Variants in MYO1D observed in about 807,000 individuals in gnomAD.
The protein encoded by MYO1D is myosin ID.
A neutral mutation model predicts 122.0 loss-of-function variants in MYO1D; 83 were observed. That is an observed-to-expected ratio of 0.68 (90% CI 0.57 to 0.82). The LOEUF (loss-of-function observed/expected upper bound fraction) is 0.82. MYO1D is among the 40% of genes least tolerant of loss of function. The pLI is 0.00. For missense variants in MYO1D, 1,157 were observed against 1,269.5 expected (o/e 0.91, Z 1.35); for synonymous variants, 464 against 446.9 (o/e 1.04, Z -0.48).
chr17:32,563,758 G>T (rs1341996753), intron 21 of MYO1D, among the ~76,000 whole-genome samples: 1 of 152,216 alleles, frequency 6.6e-6, no homozygotes, highest in Non-Finnish European at 1.5e-5. Context: ...GAACAGTCGC[G>T]TGGCTTCCTC....
chr17:32,575,343 G>T (rs576439132), intron 21 of MYO1D, among the ~76,000 whole-genome samples: 4 of 152,194 alleles, frequency 2.6e-5, no homozygotes, highest in Non-Finnish European at 5.9e-5. Context: ...GCAGCCTCAG[G>T]CTACAAAGCC....
chr17:32,876,285 G>C (rs1391631556), intron 1 of MYO1D, among the ~76,000 whole-genome samples: 1 of 152,014 alleles, frequency 6.6e-6, no homozygotes, highest in Non-Finnish European at 1.5e-5. Context: ...AAAAAAAAAA[G>C]AAGGGCGAAG....
In MYO1D at chr17:32,712,195, C is replaced by A; in HGVS notation, c.1914G>T (p.Arg638Ser). 6.2e-7 allele frequency: 1 copy of A among 1,611,056 alleles called. No individual in the cohort carries two copies. Among genetic ancestry groups the A allele is most frequent in the Non-Finnish European group, 8.5e-7 (1 of 1,177,882 alleles). Residue 638 changes from arginine (R) to serine (S), a missense_variant and splice_region_variant, in exon 16 of 22, where the codon AGG (arginine) becomes AGT (serine). Arg to Ser is a moderately radical substitution (Grantham distance 110). Coordinates refer to ENST00000318217, the MANE Select transcript of MYO1D (RefSeq NM_015194.3). ...FRQTYEKFLH[R>S]YKMISEFTWP... ...AGGTGAATTCAGAGATCATCTTATA[C>A]CTGGATGAAAAAAAGAAACAGGGTT...
At chr17:32,588,734 G>A (rs1222007170) in intron 21 of MYO1D, among the ~76,000 whole-genome samples, 1 of 152,104 alleles carries the variant, frequency 6.6e-6, no homozygotes, top group Non-Finnish European at 1.5e-5. Context: ...TGGATCTCTT[G>A]AGGCCAGGAG....
At chr17:32,848,243 C>T (rs1337188615) in intron 1 of MYO1D, among the ~76,000 whole-genome samples, 1 of 152,064 alleles carries the variant, frequency 6.6e-6, no homozygotes, top group Non-Finnish European at 1.5e-5. Context: ...TATTATCTAC[C>T]CCATGTAAAA....
Position 32,659,191 on chromosome 17 carries a change from C to T in MYO1D, c.2269G>A (p.Gly757Arg), listed in dbSNP as rs2073464387. The change falls in exon 17 of 22, where the codon GGG (glycine) becomes AGG (arginine). Residue 757 changes from glycine to arginine, a missense_variant. Physicochemically the swap from Gly to Arg is moderately radical, Grantham distance 125. Transcript: ENST00000318217. ...GGGCTTGGCCACTTCACGTGCTTCC[C>T]GTAGTCTCGCATGGTCTTGACGCCA... Reference protein sequence around the residue: ...FHGVKTMRDYGKHVKWPSPPK... With the variant: ...FHGVKTMRDYRKHVKWPSPPK... The T allele has an allele frequency of 9.9e-6, 16 of 1,614,182 alleles. No individual in the cohort carries two copies. Among genetic ancestry groups the T allele is most frequent in the South Asian group, 4.4e-5 (4 of 91,090 alleles).
intron 1 of MYO1D, among the ~76,000 whole-genome samples, chr17:32,864,514 G>A (rs1170266192): frequency 2.8e-5 from 4 of 141,620 alleles, no homozygotes; most frequent in Admixed American, 7.5e-5. Context: ...TTTGTTGTAC[G>A]GTGTCTAGCT....
intron 1 of MYO1D, among the ~76,000 whole-genome samples, chr17:32,796,094 A>G (rs1391828288): frequency 6.6e-6 from 1 of 152,144 alleles, no homozygotes; most frequent in East Asian, 1.9e-4. Flanking sequence ...TATGACACTG[A>G]TTTTCTCTTT....
At chr17:32,677,219 C>T (rs902881803) in intron 16 of MYO1D, among the ~76,000 whole-genome samples, 1 of 152,094 alleles carries the variant, frequency 6.6e-6, no homozygotes, top group Admixed American at 6.6e-5. Flanking sequence ...CAATTACATG[C>T]CCATACAATT....
intron 16 of MYO1D, among the ~76,000 whole-genome samples, chr17:32,676,675 A>C (rs1354351938): frequency 6.6e-6 from 1 of 152,194 alleles, no homozygotes; most frequent in Non-Finnish European, 1.5e-5. Context: ...ACTTAGAAGG[A>C]AGACGACCCA....
intron 4 of MYO1D, among the ~76,000 whole-genome samples, chr17:32,774,523 G>A (rs936569930): frequency 2.0e-5 from 3 of 152,162 alleles, no homozygotes; most frequent in African/African-American, 7.2e-5. Flanking sequence ...GCATTTCAAA[G>A]AGCAATGCCT....
At chr17:32,725,080 G>A (rs750468097) in intron 14 of MYO1D, among the ~76,000 whole-genome samples, 3 of 152,174 alleles carry the variant, frequency 2.0e-5, no homozygotes, top group Non-Finnish European at 4.4e-5. Context: ...TGCTTACCAT[G>A]TTCAAGGTGA....
At chr17:32,511,605 C>CTT (rs5819985) in intron 21 of MYO1D, among the ~76,000 whole-genome samples, 5,337 of 143,574 alleles carry the variant, frequency 0.037, 313 homozygotes, top group African/African-American at 0.13. Context: ...CTGTATTGAA[C>CTT]TTTTTTTTTT....
chr17:32,527,838 CTTT>C lies in MYO1D; in HGVS notation c.2865-32926_2865-32924del, dbSNP rs35009377. ...TAAAAGCTACATAAAAGCAAAACAA[CTTT>C]TTTTTTTTTTTTTTTGAGGCAGAGT... On this transcript the variant is annotated intron_variant, in intron 21 of 21. Transcript: ENST00000318217. 7.1e-3 allele frequency among the ~76,000 whole-genome samples: 956 copies of C among 134,806 alleles called. 5 individuals carry two copies. Among genetic ancestry groups the C allele is most frequent in the Middle Eastern group, 0.012 (3 of 258 alleles). The allele number at this position is 134,806 out of a possible 152,430, so 88.4% of individuals were successfully genotyped here.
At chr17:32,768,651 C>T (rs1178708872) in intron 6 of MYO1D, among the ~76,000 whole-genome samples, 1 of 152,158 alleles carries the variant, frequency 6.6e-6, no homozygotes, top group Non-Finnish European at 1.5e-5. Context: ...GCCCCTCCTC[C>T]TCCTAGGTTT....
intron 21 of MYO1D, among the ~76,000 whole-genome samples, chr17:32,543,235 T>A (rs1345087944): frequency 5.1e-5 from 6 of 118,146 alleles, no homozygotes; most frequent in South Asian, 2.6e-4. Context: ...CAAAAAAAAA[T>A]GAATAAATAA....
intron 14 of MYO1D, among the ~76,000 whole-genome samples, chr17:32,731,616 G>C (rs909585466): frequency 6.6e-6 from 1 of 152,230 alleles, no homozygotes; most frequent in Non-Finnish European, 1.5e-5. Flanking sequence ...CCCATCTGGA[G>C]CAGCTGCTGC....
Position 32,638,728 on chromosome 17 carries a change from T to G in MYO1D, c.2703A>C (p.Leu901=). Residue 901 remains leucine (L), a synonymous_variant, in exon 20 of 22, where the codon CTA becomes CTC. Coordinates refer to ENST00000318217, the MANE Select transcript of MYO1D (RefSeq NM_015194.3). ...KQYKVMKTIP[L]YNLTGLSVSN... ...AGAAGCACAGAGGACTTACATTGTA[T>G]AGAGGGATAGTCTTCATCACCTTGT... 2 of 1,608,722 alleles carry G rather than the reference T, an allele frequency of 1.2e-6. No homozygotes were observed. The highest frequency in any genetic ancestry group is 1.7e-6 in the Non-Finnish European group (2 of 1,175,222).
At chr17:32,608,501 T>G (rs1317446949) in intron 20 of MYO1D, among the ~76,000 whole-genome samples, 1 of 152,188 alleles carries the variant, frequency 6.6e-6, no homozygotes, top group Non-Finnish European at 1.5e-5. Context: ...TACTAAATGC[T>G]GGTGAGGACA....
Sources: gnomAD v4.1 joint callset for allele counts (sites outside exome capture counted in the v4.1 genomes callset) on GRCh38, gnomAD v4.1.1 for gene constraint, MANE v1.5 for transcripts, NCBI Gene and HGNC (gene_info 2026-07-23, HGNC 2026-07-21) for gene names.